TUT7: variants seen among roughly 807,000 people sequenced by gnomAD.
TUT7 encodes terminal uridylyl transferase 7.
In TUT7, 33 loss-of-function variants were observed where a neutral mutation model predicts 165.9. The ratio of observed to expected loss-of-function variants is 0.20; its 90% CI spans 0.15 to 0.27. TUT7 has a LOEUF of 0.27. Among genes scored for constraint, TUT7 ranks in the 10% least tolerant of loss-of-function variants. The probability of loss-of-function intolerance (pLI) is 1.00; values close to 1 mark genes in which losing one functional copy is unlikely to be tolerated. For synonymous variants in TUT7, 552 were observed against 608.1 expected (o/e 0.91, Z 1.36); for missense variants, 1,338 against 1,762.3 (o/e 0.76, Z 4.31).
intron 25 of TUT7, 48 bp downstream of exon 25, chr9:86,303,038 A>T (rs760803353): frequency 2.4e-6 from 2 of 844,458 alleles, no homozygotes; most frequent in Non-Finnish European, 3.7e-6. Context: ...AAAAATTGGG[A>T]CATTAAGAAA....
chr9:86,349,375 C>T (rs1285515710), intron 2 of TUT7, among the ~76,000 whole-genome samples: 1 of 151,894 alleles, frequency 6.6e-6, no homozygotes, highest in African/African-American at 2.4e-5. Flanking sequence ...TCTCTATATT[C>T]GGCATTCCAA....
intron 16 of TUT7, among the ~76,000 whole-genome samples, chr9:86,317,591 A>G (rs899808524): frequency 2.0e-5 from 3 of 152,148 alleles, no homozygotes; most frequent in African/African-American, 7.2e-5. Flanking sequence ...CTTCCCCTCC[A>G]CATAATATCA....
At chr9:86,347,252 C>A (rs994042945) in intron 2 of TUT7, among the ~76,000 whole-genome samples, 4 of 152,310 alleles carry the variant, frequency 2.6e-5, no homozygotes, top group Admixed American at 2.6e-4. Flanking sequence ...ATAAACTCTG[C>A]TATTAGTTCT....
rs759383721 is a variant in TUT7, at chr9:86,303,219, T to C, written c.3979-18A>G. Reference sequence around the variant, plus strand: ...AAGTATTCCTAGAAGAACATAAATATATAAAAGCCTGAACTATTCACGTGA... The same window carrying C: ...AAGTATTCCTAGAAGAACATAAATACATAAAAGCCTGAACTATTCACGTGA... On this transcript the variant is annotated intron_variant, in intron 24 of 26. Coordinates refer to ENST00000375963, the MANE Select transcript of TUT7 (RefSeq NM_024617.4). 34 of 1,407,296 alleles carry C rather than the reference T, an allele frequency of 2.4e-5. No homozygotes were observed. The highest frequency in any genetic ancestry group is 3.4e-5 in the Non-Finnish European group (34 of 1,005,472). 87.2% of individuals were successfully genotyped at this position (1,407,296 alleles called of 1,614,324 possible). A position where few individuals can be genotyped will look rare whatever the true frequency, so the allele number is the denominator to read the frequency against.
At chr9:86,307,867 C>T (rs1211696370) in intron 22 of TUT7, among the ~76,000 whole-genome samples, 1 of 151,852 alleles carries the variant, frequency 6.6e-6, no homozygotes, top group East Asian at 1.9e-4. Context: ...GGTGGTGGGT[C>T]CCTGTAATCC....
At chr9:86,329,350 C>A (rs1830093636) in intron 10 of TUT7, among the ~76,000 whole-genome samples, 1 of 151,896 alleles carries the variant, frequency 6.6e-6, no homozygotes, top group Admixed American at 6.6e-5. Context: ...ATGGAGAAAT[C>A]CCGTCTCTAC....
intron 6 of TUT7, among the ~76,000 whole-genome samples, chr9:86,342,132 AG>A (rs1831379035): frequency 6.6e-6 from 1 of 152,152 alleles, no homozygotes; most frequent in South Asian, 2.1e-4. Context: ...GCAAGAAGTA[AG>A]AGGTTGTAAA....
chr9:86,299,182 G>A (rs1274789522), intron 26 of TUT7, among the ~76,000 whole-genome samples: 2 of 152,148 alleles, frequency 1.3e-5, no homozygotes, highest in East Asian at 3.9e-4. Context: ...CTCCTTCTCC[G>A]TTTGAGCTAG....
Position 86,319,803 on chromosome 9 carries a change from C to A in TUT7, c.3029-133G>T, listed in dbSNP as rs1358349181. 1.3e-4 allele frequency: 86 copies of A among 656,354 alleles called. No individual in the cohort carries two copies. The African/African-American group carries it at 1.5e-3, about 11-fold the overall frequency. 40.7% of individuals were successfully genotyped at this position (656,354 alleles called of 1,614,324 possible). A position where few individuals can be genotyped will look rare whatever the true frequency, so the allele number is the denominator to read the frequency against. On this transcript the variant is annotated intron_variant, in intron 14 of 26. Transcript: ENST00000375963. ...AAAAATTCCTAAATCATTGTGTCTT[C>A]TCAGTAGATAGCATTAACAAGGTAA...
chr9:86,337,137 A>G, intron 10 of TUT7: 1 of 226,154 alleles, frequency 4.4e-6, no homozygotes, highest in Non-Finnish European at 8.8e-6. Flanking sequence ...GTAAATTTAC[A>G]GGGTCAGTCT....
At chr9:86,352,050 T>A (rs1186709050) in intron 2 of TUT7, among the ~76,000 whole-genome samples, 1 of 152,182 alleles carries the variant, frequency 6.6e-6, no homozygotes, top group Admixed American at 6.5e-5. Flanking sequence ...AGAAATTAGT[T>A]TTGGTCTTAC....
At chr9:86,292,468 CAA>C (rs113108657) in intron 26 of TUT7, among the ~76,000 whole-genome samples, 42 of 103,126 alleles carry the variant, frequency 4.1e-4, no homozygotes, top group Middle Eastern at 6.3e-3. Flanking sequence ...GACTTTGTCT[CAA>C]AAAAAAAAAA....
intron 17 of TUT7, 143 bp downstream of exon 17, chr9:86,317,076 G>T: frequency 1.6e-6 from 1 of 628,692 alleles, no homozygotes; most frequent in Non-Finnish European, 2.7e-6. Context: ...AGCATCTAAG[G>T]ATTTTTTTTA....
At chr9:86,345,233 A>G (rs992107294) in intron 4 of TUT7, 79 bp from the exon 5 acceptor site, 8 of 1,388,086 alleles carry the variant, frequency 5.8e-6, no homozygotes, top group African/African-American at 1.5e-5. Context: ...ACAACACCCT[A>G]TAGAGTTTTC....
intron 1 of TUT7, among the ~76,000 whole-genome samples, chr9:86,353,946 C>A (rs1832524537): frequency 6.6e-6 from 1 of 151,218 alleles, no homozygotes; most frequent in African/African-American, 2.5e-5. Context: ...CATCTGACCG[C>A]TCCACCACCG....
chr9:86,350,884 G>A lies in TUT7; in HGVS notation c.520+1796C>T, dbSNP rs537268117. On this transcript the variant is annotated intron_variant, in intron 2 of 26. Transcript: ENST00000375963. ...GCGGTAGTTCACGCCTGTAATCCCA[G>A]CACTTTGGGAAGCAGAGGCAGGTCG... is the stretch of plus-strand genomic sequence containing the variant. Among the ~76,000 whole-genome samples, 4 of 152,264 alleles carry A rather than the reference G, an allele frequency of 2.6e-5. No homozygotes were observed. The East Asian group carries it at 7.7e-4, about 29-fold the overall frequency.
At chr9:86,341,572 G>A (rs1331765704) in intron 6 of TUT7, among the ~76,000 whole-genome samples, 3 of 152,238 alleles carry the variant, frequency 2.0e-5, no homozygotes, top group Non-Finnish European at 2.9e-5. Flanking sequence ...GGCCAGTCAA[G>A]CCCAGCCTAC....
chr9:86,337,278 G>C (rs559756169), intron 10 of TUT7, 141 bp downstream of exon 10: 1 of 917,638 alleles, frequency 1.1e-6, no homozygotes, highest in Non-Finnish European at 1.6e-6. Context: ...AGCAGTGAAA[G>C]GTATGAATAT....
intron 4 of TUT7, 121 bp downstream of exon 4, chr9:86,345,548 A>T: frequency 2.7e-6 from 2 of 734,828 alleles, no homozygotes; most frequent in Admixed American, 5.0e-5. Flanking sequence ...GCTCAAATAT[A>T]TTCAATAAAT....
Sources: gnomAD v4.1 joint callset for allele counts (sites outside exome capture counted in the v4.1 genomes callset) on GRCh38, gnomAD v4.1.1 for gene constraint, MANE v1.5 for transcripts, NCBI Gene and HGNC (gene_info 2026-07-23, HGNC 2026-07-21) for gene names.